The following PFKP variants were observed in gnomAD, a reference collection of about 807,000 sequenced individuals.
PFKP encodes ATP-dependent 6-phosphofructokinase, platelet type.
A neutral mutation model predicts 94.3 loss-of-function variants in PFKP; 101 were observed. The observed-to-expected ratio is 1.07, with a 90% CI of 0.91 to 1.26. The LOEUF (loss-of-function observed/expected upper bound fraction) is 1.26. Among genes scored for constraint, PFKP ranks in the 50% most tolerant of loss-of-function variants. The pLI, the probability that PFKP is intolerant of heterozygous loss-of-function variation, is 0.00. For missense variants in PFKP, 1,145 were observed against 1,103.3 expected, an observed-to-expected ratio of 1.04 and a Z score of -0.53; for synonymous variants, 573 against 432.6, an observed-to-expected ratio of 1.32 and a Z score of -4.03.
At chr10:3,118,376 G>T (rs1025040372) in intron 14 of PFKP, among the ~76,000 whole-genome samples, 1 of 152,112 alleles carries the variant, frequency 6.6e-6, no homozygotes, top group African/African-American at 2.4e-5. Context: ...GCTGAGGCAC[G>T]AGAATCACTT....
chr10:3,133,640 A>G (rs1838866341), intron 19 of PFKP, among the ~76,000 whole-genome samples: 2 of 150,384 alleles, frequency 1.3e-5, no homozygotes. Context: ...CACGTTGGCC[A>G]GGCTGGTCTC....
chr10:3,133,393 T>A (rs1838832381), intron 19 of PFKP, 79 bp downstream of exon 19: 3 of 926,282 alleles, frequency 3.2e-6, no homozygotes, highest in South Asian at 1.3e-5. Flanking sequence ...TTTTAGCCAT[T>A]GTGGGGAAAA....
chr10:3,103,846 C>A lies in PFKP; in HGVS notation c.522C>A (p.Ile174=). 1.9e-6 allele frequency: 3 copies of A among 1,614,006 alleles called. No individual in the cohort carries two copies. The highest frequency in any genetic ancestry group is 2.5e-6 in the Non-Finnish European group (3 of 1,180,008). The stretch of plus-strand genomic sequence containing the variant: ...ACGTGGTGGGCATGGTGGGCTCCAT[C>A]GACAATGATTTCTGCGGCACCGACA... ...YLNVVGMVGS[I]DNDFCGTDMT... The change falls in exon 5 of 22, where the codon ATC becomes ATA. Residue 174 remains isoleucine, a synonymous_variant. Transcript: ENST00000381125.
At chr10:3,116,608 G>A (rs956069758) in intron 13 of PFKP, among the ~76,000 whole-genome samples, 168 bp from the exon 14 acceptor site, 2 of 152,142 alleles carry the variant, frequency 1.3e-5, no homozygotes, top group Non-Finnish European at 2.9e-5. Context: ...TTGGACTTCT[G>A]CTTCTCACCT....
At chr10:3,074,187 G>T (rs1832408799) in intron 1 of PFKP, among the ~76,000 whole-genome samples, 1 of 152,182 alleles carries the variant, frequency 6.6e-6, no homozygotes, top group African/African-American at 2.4e-5. Flanking sequence ...AGACTGCCTT[G>T]GGTGAGTCAG....
intron 2 of PFKP, among the ~76,000 whole-genome samples, chr10:3,089,623 T>C (rs1222324775): frequency 6.6e-6 from 1 of 151,208 alleles, no homozygotes; most frequent in Non-Finnish European, 1.5e-5. Context: ...CTTTTAGTTA[T>C]TTTGAAATAT....
At chr10:3,104,798 A>C in intron 5 of PFKP, 1 of 433,570 alleles carries the variant, frequency 2.3e-6, no homozygotes, top group Non-Finnish European at 4.1e-6. Context: ...GGTATCTGGG[A>C]AAGAGCCCAG....
At chr10:3,136,378 T>G (rs1012895348) in intron 21 of PFKP, 72 bp from the exon 22 acceptor site, 2 of 1,544,058 alleles carry the variant, frequency 1.3e-6, no homozygotes, top group Non-Finnish European at 8.9e-7. Flanking sequence ...GACCGCTCGC[T>G]GTGCTGGCCA....
rs1034397590 is a variant in PFKP, at chr10:3,136,314, G to A, written c.2226-136G>A. ...AATGGTTTCATTTGATCCTGAAATT[G>A]GCTTTATCATCTAGTTGATTCAGCC... is the stretch of plus-strand genomic sequence containing the variant. On this transcript the variant is annotated intron_variant, in intron 21 of 21. Coordinates refer to ENST00000381125, the MANE Select transcript of PFKP (RefSeq NM_002627.5). 5.4e-6 allele frequency: 4 copies of A among 746,880 alleles called. No homozygotes were observed. In the South Asian group the frequency reaches 5.5e-5, roughly 10 times the overall value. 46.3% of individuals were successfully genotyped at this position (746,880 alleles called of 1,614,324 possible).
At chr10:3,123,574 A>G (rs1837635412) in intron 16 of PFKP, among the ~76,000 whole-genome samples, 1 of 151,980 alleles carries the variant, frequency 6.6e-6, no homozygotes, top group African/African-American at 2.4e-5. Flanking sequence ...CAGGTCACCC[A>G]CACCGTCTGG....
rs1282962859 is a variant in PFKP at position 3,133,219 on chromosome 10, G to A, written c.1927G>A (p.Glu643Lys). 6.2e-7 allele frequency: 1 copy of A among 1,613,770 alleles called. No individual in the cohort carries two copies. Among genetic ancestry groups the A allele is most frequent in the East Asian group, 2.2e-5 (1 of 44,892 alleles). Residue 643 changes from glutamate (E) to lysine (K), a missense_variant, in exon 19 of 22, where the codon GAA becomes AAA. Transcript: ENST00000381125. ...GLVLRNESCS[E>K]NYTTDFIYQL... ...TCGTTTCAGAAATGAGAGCTGCAGT[G>A]AAAACTACACCACCGACTTCATTTA... is the stretch of plus-strand genomic sequence containing the variant.
chr10:3,109,834 G>T (rs1351839830), intron 10 of PFKP, among the ~76,000 whole-genome samples: 1 of 147,054 alleles, frequency 6.8e-6, no homozygotes, highest in African/African-American at 2.7e-5. Flanking sequence ...GGAGGCAGCC[G>T]AGAGAGAGAG....
chr10:3,118,431 A>C (rs75728123), intron 14 of PFKP, among the ~76,000 whole-genome samples: 1 of 152,012 alleles, frequency 6.6e-6, no homozygotes, highest in Non-Finnish European at 1.5e-5. Context: ...TTACGCCACT[A>C]CACTCCAGCC....
intron 1 of PFKP, among the ~76,000 whole-genome samples, chr10:3,074,320 C>A (rs1472925549): frequency 6.6e-6 from 1 of 152,146 alleles, no homozygotes; most frequent in Non-Finnish European, 1.5e-5. Flanking sequence ...TATGAAAGGG[C>A]CCAGGGGAAC....
intron 2 of PFKP, among the ~76,000 whole-genome samples, chr10:3,093,787 G>T (rs1461149915): frequency 2.6e-5 from 4 of 151,884 alleles, no homozygotes; most frequent in Non-Finnish European, 5.9e-5. Context: ...GGGACTACAG[G>T]CTCCCGCCAC....
rs745367650 is a variant in PFKP at position 3,101,536 on chromosome 10, G to T, written c.436G>T (p.Glu146Ter). 1.5e-5 allele frequency: 23 copies of T among 1,556,280 alleles called. No homozygotes were observed. The highest frequency in any genetic ancestry group is 1.9e-5 in the Non-Finnish European group (22 of 1,150,430). The stretch of plus-strand genomic sequence containing the variant: ...CCGGAAGGAGTGGAGTGGGCTGCTG[G>T]AGGAGCTGGCCAGGAACGGTGAGTG... ...LFRKEWSGLL[E>*]ELARNGQIDK... The change falls in exon 4 of 22, where the codon GAG becomes TAG. Residue 146 changes from glutamate (E) to a stop codon, truncating the protein, a stop_gained. Coordinates refer to ENST00000381125, the MANE Select transcript of PFKP (RefSeq NM_002627.5). LOFTEE classifies it high-confidence loss of function.
At chr10:3,113,316 C>T (rs1836447037) in intron 12 of PFKP, 56 bp from the exon 13 acceptor site, 1 of 1,577,102 alleles carries the variant, frequency 6.3e-7, no homozygotes, top group South Asian at 1.2e-5. Flanking sequence ...AAGTGTGCAG[C>T]AAATGGAGCT....
At chr10:3,105,359 C>A (rs1421657535) in intron 6 of PFKP, 34 bp from the exon 7 acceptor site, 1 of 1,552,140 alleles carries the variant, frequency 6.4e-7, no homozygotes, top group African/African-American at 1.4e-5. Flanking sequence ...AAGGATCCTT[C>A]TGGGGTGTTG....
intron 21 of PFKP, 86 bp downstream of exon 21, chr10:3,135,924 T>G: frequency 1.2e-6 from 1 of 811,334 alleles, no homozygotes; most frequent in Admixed American, 2.1e-5. Flanking sequence ...TGTCGGCAAC[T>G]CATTCAGGGG....
Sources: gnomAD v4.1 joint callset for allele counts (sites outside exome capture counted in the v4.1 genomes callset) on GRCh38, gnomAD v4.1.1 for gene constraint, MANE v1.5 for transcripts, NCBI Gene and HGNC (gene_info 2026-07-23, HGNC 2026-07-21) for gene names.